STK4: variants seen among roughly 807,000 people sequenced by gnomAD.
STK4 encodes serine/threonine kinase 4, also known as serine/threonine-protein kinase 4.
Under a neutral mutation model 64.9 loss-of-function variants are expected in STK4, and 30 were observed. That is an observed-to-expected ratio of 0.46 (90% CI 0.35 to 0.63). The LOEUF is 0.63. Among genes scored for constraint, STK4 ranks in the 20% least tolerant of loss-of-function variants. STK4 has a pLI of 0.01. For synonymous variants in STK4, 177 were observed against 199.0 expected, an observed-to-expected ratio of 0.89 and a Z score of 0.93; for missense variants, 466 against 598.5, an observed-to-expected ratio of 0.78 and a Z score of 2.31.
Position 45,001,279 on chromosome 20 carries a change from A to T in STK4, c.1073A>T (p.Asp358Val). 1 of 1,614,200 alleles carries T rather than the reference A, an allele frequency of 6.2e-7. No homozygotes were observed. Among genetic ancestry groups the T allele is most frequent in the Non-Finnish European group, 8.5e-7 (1 of 1,180,016 alleles). ...GGAGCCAATACTATGATTGAGCACG[A>T]TGACACGTTGCCATCACAACTGGGC... ...TDGANTMIEH[D>V]DTLPSQLGTM... Residue 358 changes from aspartate (D) to valine (V), a missense_variant, in exon 9 of 11, where the codon GAT (aspartate) becomes GTT (valine). By Grantham distance (152) the Asp-to-Val change is radical (BLOSUM62 -3). Transcript: ENST00000372806.
chr20:45,018,507 A>G (rs949817629), intron 9 of STK4, among the ~76,000 whole-genome samples: 1 of 152,160 alleles, frequency 6.6e-6, no homozygotes, highest in African/African-American at 2.4e-5. Context: ...CTACCTAGAC[A>G]TTATGTTGTA....
chr20:45,029,048 C>T (rs1039021229), intron 10 of STK4, among the ~76,000 whole-genome samples: 1 of 152,150 alleles, frequency 6.6e-6, no homozygotes, highest in African/African-American at 2.4e-5. Flanking sequence ...ACAGACCTTT[C>T]TGTGTGTCCT....
chr20:45,013,816 TTTGTTAAAATTGTTAAA>T (rs55646206), intron 9 of STK4, among the ~76,000 whole-genome samples: 1,573 of 152,234 alleles, frequency 0.01, 20 homozygotes, highest in Non-Finnish European at 0.014. Context: ...CTTCTGGAGA[TTTGTTAAAATTGTTAAA>T]TTGTTAAAAT....
In STK4 at chr20:44,966,547, C is replaced by G. The variant is rs1369165737; in HGVS notation, c.-22C>G. The G allele has an allele frequency of 4.0e-6, 5 of 1,265,414 alleles. No homozygotes were observed. The highest frequency in any genetic ancestry group is 1.0e-6 in the Non-Finnish European group (1 of 996,040). The allele number at this position is 1,265,414 out of a possible 1,614,324, so 78.4% of individuals were successfully genotyped here. A position where few individuals can be genotyped will look rare whatever the true frequency, so the allele number is the denominator to read the frequency against. On this transcript the variant is annotated 5_prime_UTR_variant, in exon 1 of 11. Coordinates refer to ENST00000372806, the MANE Select transcript of STK4 (RefSeq NM_006282.5). Reference sequence around the variant, plus strand: ...CGGGAGGATGGAGCAGTGAGCGGGTCTGGGCGGCTGCTGGCAGCGCCATGG... The same window carrying G: ...CGGGAGGATGGAGCAGTGAGCGGGTGTGGGCGGCTGCTGGCAGCGCCATGG...
chr20:45,029,183 C>T (rs1022717582), intron 10 of STK4, among the ~76,000 whole-genome samples: 1 of 152,126 alleles, frequency 6.6e-6, no homozygotes. Flanking sequence ...TACAGTAGAC[C>T]TACATTATTG....
At chr20:45,049,713 G>C (rs1191188557) in intron 10 of STK4, among the ~76,000 whole-genome samples, 1 of 152,166 alleles carries the variant, frequency 6.6e-6, no homozygotes, top group Non-Finnish European at 1.5e-5. Flanking sequence ...TGAGTTCCTG[G>C]TATTCGGTTA....
chr20:45,061,475 G>T (rs1978995866), intron 10 of STK4, among the ~76,000 whole-genome samples: 1 of 152,132 alleles, frequency 6.6e-6, no homozygotes, highest in Non-Finnish European at 1.5e-5. Flanking sequence ...GCTCTGTTCA[G>T]CATATCCACT....
At chr20:44,985,835 C>T (rs892572630) in intron 4 of STK4, among the ~76,000 whole-genome samples, 1 of 152,080 alleles carries the variant, frequency 6.6e-6, no homozygotes, top group Non-Finnish European at 1.5e-5. Context: ...GAAAGTAGAG[C>T]CAAGAGTAAA....
intron 5 of STK4, among the ~76,000 whole-genome samples, chr20:44,991,081 AC>A (rs1188922039): frequency 6.6e-6 from 1 of 152,200 alleles, no homozygotes; most frequent in African/African-American, 2.4e-5. Flanking sequence ...TTCTTAAAAA[AC>A]AATCCTTTTA....
chr20:45,053,158 T>TAA (rs964966341), intron 10 of STK4: 1 of 1,612,544 alleles, frequency 6.2e-7, no homozygotes, highest in Non-Finnish European at 8.5e-7. Flanking sequence ...GCTGTGTAGA[T>TAA]ACGCTTTCTG....
Position 45,075,414 on chromosome 20 carries a change from C to T in STK4, c.*238C>T, listed in dbSNP as rs938320526. Reference sequence around the variant, plus strand: ...AGGATTTATATTGGCGCTTTTAACTCAGAGTTTTAAACCCCAGGAACAGAG... The same window carrying T: ...AGGATTTATATTGGCGCTTTTAACTTAGAGTTTTAAACCCCAGGAACAGAG... On this transcript the variant is annotated 3_prime_UTR_variant, in exon 11 of 11. Transcript: ENST00000372806. 4.5e-5 allele frequency: 19 copies of T among 419,118 alleles called. No individual in the cohort carries two copies. Among genetic ancestry groups the T allele is most frequent in the African/African-American group, 3.7e-4 (19 of 50,698 alleles). The allele number at this position is 419,118 out of a possible 1,614,324, so 26.0% of individuals were successfully genotyped here.
chr20:44,971,340 T>A (rs182487148), intron 1 of STK4, among the ~76,000 whole-genome samples: 181 of 152,350 alleles, frequency 1.2e-3, no homozygotes, highest in Non-Finnish European at 2.1e-3. Context: ...TTTGTGAGAA[T>A]ATCTGAAACT....
intron 1 of STK4, among the ~76,000 whole-genome samples, chr20:44,967,781 C>CAAAT (rs1297257806): frequency 6.6e-6 from 1 of 152,128 alleles, no homozygotes; most frequent in Non-Finnish European, 1.5e-5. Flanking sequence ...TTGCAGAAGG[C>CAAAT]AAATAGGTGG....
intron 10 of STK4, among the ~76,000 whole-genome samples, chr20:45,062,476 G>T (rs977565109): frequency 1.3e-5 from 2 of 152,172 alleles, no homozygotes; most frequent in African/African-American, 4.8e-5. Context: ...TGGTAATGCT[G>T]TTTTAAGTTC....
At chr20:45,058,879 C>T (rs1189608274) in intron 10 of STK4, among the ~76,000 whole-genome samples, 2 of 152,160 alleles carry the variant, frequency 1.3e-5, no homozygotes, top group Non-Finnish European at 2.9e-5. Context: ...CATTCTTGTA[C>T]TCTACCTTCT....
chr20:45,057,146 G>A (rs1978552738), intron 10 of STK4, among the ~76,000 whole-genome samples: 2 of 152,198 alleles, frequency 1.3e-5, no homozygotes, highest in Admixed American at 6.5e-5. Flanking sequence ...AGTCTGCAAG[G>A]TCACAGAAAG....
chr20:44,997,041 G>T, intron 6 of STK4, 128 bp from the exon 7 acceptor site: 1 of 1,317,718 alleles, frequency 7.6e-7, no homozygotes, highest in Non-Finnish European at 1.1e-6. Flanking sequence ...TTGGAATTTG[G>T]GTGAGCTTCT....
chr20:44,972,104 G>A lies in STK4; in HGVS notation c.62G>A (p.Ser21Asn). The A allele has an allele frequency of 6.2e-7, 1 of 1,613,974 alleles. No homozygotes were observed. Among genetic ancestry groups the A allele is most frequent in the Non-Finnish European group, 8.5e-7 (1 of 1,179,956 alleles). ...CAGCTGAAAAAGTTGGATGAAGATAGTTTAACCAAACAACCAGAAGAAGTA... is the reference window on the plus strand; with the variant it reads ...CAGCTGAAAAAGTTGGATGAAGATAATTTAACCAAACAACCAGAAGAAGTA... ...RRQLKKLDED[S>N]LTKQPEEVFD... Residue 21 changes from serine (S) to asparagine (N), a missense_variant, in exon 2 of 11, where the codon AGT (serine) becomes AAT (asparagine). By Grantham distance (46) the Ser-to-Asn change is conservative. Coordinates refer to ENST00000372806, the MANE Select transcript of STK4 (RefSeq NM_006282.5).
At chr20:44,972,410 G>A in intron 2 of STK4, 1 of 338,818 alleles carries the variant, frequency 3.0e-6, no homozygotes, top group Non-Finnish European at 5.3e-6. Context: ...CTACTTAACA[G>A]ATAGCACTAA....
Sources: gnomAD v4.1 joint callset for allele counts (sites outside exome capture counted in the v4.1 genomes callset) on GRCh38, gnomAD v4.1.1 for gene constraint, MANE v1.5 for transcripts, NCBI Gene and HGNC (gene_info 2026-07-23, HGNC 2026-07-21) for gene names.